The following DDI2 variants were observed in gnomAD, a reference collection of about 807,000 sequenced individuals.
The protein encoded by DDI2 is protein DDI1 homolog 2.
DDI2 carries 5 observed loss-of-function variants against 48.1 expected under a neutral mutation model. The observed-to-expected ratio is 0.10, with a 90% CI of 0.05 to 0.22. DDI2 has a LOEUF of 0.22. DDI2 is among the 10% of genes least tolerant of loss of function. The pLI, the probability that DDI2 is intolerant of heterozygous loss-of-function variation, is 1.00. For synonymous variants in DDI2, 205 were observed against 183.6 expected, an observed-to-expected ratio of 1.12 and a Z score of -0.94; for missense variants, 285 against 506.2, an observed-to-expected ratio of 0.56 and a Z score of 4.19.
At chr1:15,628,018 C>T (rs1324356156) in intron 2 of DDI2, among the ~76,000 whole-genome samples, 1 of 151,674 alleles carries the variant, frequency 6.6e-6, no homozygotes, top group Non-Finnish European at 1.5e-5. Flanking sequence ...CCACATCTTC[C>T]TTTGGTTAAT....
At chr1:15,627,797 CAG>C (rs895186212) in intron 2 of DDI2, among the ~76,000 whole-genome samples, 7 of 152,168 alleles carry the variant, frequency 4.6e-5, no homozygotes, top group African/African-American at 1.7e-4. Context: ...CAGATGCTGG[CAG>C]AGTCTGGGTG....
Position 15,660,524 on chromosome 1 carries a change from A to G in DDI2, c.*734A>G, listed in dbSNP as rs1640352579. On this transcript the variant is annotated 3_prime_UTR_variant, in exon 10 of 10. Transcript: ENST00000480945. ...GATTTGGAAGCTACGATGAAAGGAA[A>G]TGGGCTCCCACAGAATGTGGATCCT... The G allele has an allele frequency of 1.2e-6, 2 of 1,613,400 alleles. No homozygotes were observed. Among genetic ancestry groups the G allele is most frequent in the African/African-American group, 1.3e-5 (1 of 74,876 alleles).
In DDI2 at chr1:15,659,846, G is replaced by A. The variant is rs374921628; in HGVS notation, c.*56G>A. 5 of 1,534,004 alleles carry A rather than the reference G, an allele frequency of 3.3e-6. No individual in the cohort carries two copies. Among genetic ancestry groups the A allele is most frequent in the Non-Finnish European group, 4.4e-6 (5 of 1,146,576 alleles). On this transcript the variant is annotated 3_prime_UTR_variant, in exon 10 of 10. Coordinates refer to ENST00000480945, the MANE Select transcript of DDI2 (RefSeq NM_032341.5). ...CCTGTGTTCCATATAGAGAAAAGTG[G>A]TAAAGAATCTACCTCACTGGGAATG...
chr1:15,635,548 G>A (rs1353609938), intron 4 of DDI2, among the ~76,000 whole-genome samples: 1 of 152,270 alleles, frequency 6.6e-6, no homozygotes, highest in Non-Finnish European at 1.5e-5. Flanking sequence ...TGGGATTACA[G>A]GCATGTACCA....
Position 15,656,697 on chromosome 1 carries a change from G to GTTAA in DDI2, c.*46+19_*46+22dup. The GTTAA allele has an allele frequency of 6.2e-7, 1 of 1,613,828 alleles. No homozygotes were observed. Among genetic ancestry groups the GTTAA allele is most frequent in the Non-Finnish European group, 8.5e-7 (1 of 1,179,858 alleles). ...CAGACCAGGTATTTATAGACACCATGTTAAGCCTTCCATCCAGTTGTCATC... is the reference window on the plus strand; with the variant it reads ...CAGACCAGGTATTTATAGACACCATGTTAATTAAGCCTTCCATCCAGTTGTCATC... On this transcript the variant is annotated intron_variant, in intron 9 of 9. Coordinates refer to ENST00000480945, the MANE Select transcript of DDI2 (RefSeq NM_032341.5).
rs1640458027 is a variant in DDI2, at chr1:15,666,686, G to A, written c.*6896G>A. ...TGTGCCAGGCACAGGTGAACTCTGGGGATTCAGGGGTAACTAAAACAGATT... is the reference window on the plus strand; with the variant it reads ...TGTGCCAGGCACAGGTGAACTCTGGAGATTCAGGGGTAACTAAAACAGATT... On this transcript the variant is annotated 3_prime_UTR_variant, in exon 10 of 10. Coordinates refer to ENST00000480945, the MANE Select transcript of DDI2 (RefSeq NM_032341.5). The A allele has an allele frequency of 6.6e-6, 1 of 152,182 alleles. No individual in the cohort carries two copies. Among genetic ancestry groups the A allele is most frequent in the Admixed American group, 6.5e-5 (1 of 15,282 alleles). 9.4% of individuals were successfully genotyped at this position (152,182 alleles called of 1,614,324 possible). A position where few individuals can be genotyped will look rare whatever the true frequency, so the allele number is the denominator to read the frequency against.
In DDI2 at chr1:15,657,929, A is replaced by G. The variant is rs1557624470; in HGVS notation, c.*46+1250A>G. ...GGTAAGATTGTTTCATGGGAAGTCA[A>G]TAGCTTCCTGAAACAATGCTTTGTC... On this transcript the variant is annotated intron_variant, in intron 9 of 9. Coordinates refer to ENST00000480945, the MANE Select transcript of DDI2 (RefSeq NM_032341.5). 2.0e-5 allele frequency among the ~76,000 whole-genome samples: 3 copies of G among 152,324 alleles called. No homozygotes were observed. The South Asian group carries it at 6.2e-4, about 32-fold the overall frequency.
intron 7 of DDI2, among the ~76,000 whole-genome samples, 200 bp from the exon 8 acceptor site, chr1:15,651,506 G>A (rs1403311979): frequency 2.6e-5 from 4 of 151,812 alleles, no homozygotes; most frequent in Non-Finnish European, 5.9e-5. Context: ...TTTAGTAGAG[G>A]TGGGGTTTCA....
chr1:15,647,964 C>CA (rs1171284122), intron 6 of DDI2, among the ~76,000 whole-genome samples: 5 of 151,924 alleles, frequency 3.3e-5, no homozygotes, highest in South Asian at 2.1e-4. Context: ...ACTCTTTTCT[C>CA]AAAAAAAATT....
rs1252197053 is a variant in DDI2 at position 15,651,872 on chromosome 1, T to A, written c.1160T>A (p.Leu387His). Residue 387 changes from leucine (L) to histidine (H), a missense_variant, in exon 8 of 10, where the codon CTT becomes CAT. By Grantham distance (99) the Leu-to-His change is moderately conservative (BLOSUM62 -3). Transcript: ENST00000480945. ...GCAGACCAAGAATTAGCAGAAGCCC[T>A]TCAAAAATCAGCAGAGGATGCAGGT... The part of the protein sequence containing the change: ...EIADQELAEA[L>H]QKSAEDAERQ... The A allele has an allele frequency of 6.2e-7, 1 of 1,613,272 alleles. No homozygotes were observed. Among genetic ancestry groups the A allele is most frequent in the Non-Finnish European group, 8.5e-7 (1 of 1,179,738 alleles).
intron 9 of DDI2, among the ~76,000 whole-genome samples, 168 bp from the exon 10 acceptor site, chr1:15,659,669 C>G (rs1399105574): frequency 6.6e-6 from 1 of 152,196 alleles, no homozygotes; most frequent in Non-Finnish European, 1.5e-5. Flanking sequence ...CTGTGAATGT[C>G]TACCACAATG....
chr1:15,636,600 T>TAG (rs1356788657), intron 4 of DDI2, among the ~76,000 whole-genome samples: 3 of 152,154 alleles, frequency 2.0e-5, no homozygotes, highest in African/African-American at 7.2e-5. Context: ...GTCTCCTGAA[T>TAG]AGCTGAGACT....
chr1:15,618,160 C>A (rs1639595222), intron 1 of DDI2, among the ~76,000 whole-genome samples: 1 of 152,046 alleles, frequency 6.6e-6, no homozygotes, highest in Non-Finnish European at 1.5e-5. Flanking sequence ...CGTTGTGGAC[C>A]TCAGAAGCAG....
At chr1:15,655,102 T>G (rs555076264) in intron 8 of DDI2, among the ~76,000 whole-genome samples, 45 of 152,188 alleles carry the variant, frequency 3.0e-4, no homozygotes, top group Non-Finnish European at 5.3e-4. Flanking sequence ...ACACATATGT[T>G]TCCAGGCTTA....
intron 9 of DDI2, among the ~76,000 whole-genome samples, chr1:15,659,196 A>T (rs1298988114): frequency 2.0e-5 from 3 of 152,192 alleles, no homozygotes; most frequent in Non-Finnish European, 4.4e-5. Context: ...GTCCCCAAGC[A>T]TTATGTTATT....
intron 7 of DDI2, among the ~76,000 whole-genome samples, chr1:15,651,020 A>G (rs181325217): frequency 4.0e-5 from 6 of 150,370 alleles, no homozygotes; most frequent in Non-Finnish European, 7.4e-5. Flanking sequence ...ACGCCCGGCT[A>G]ATTTTTGTAT....
intron 6 of DDI2, among the ~76,000 whole-genome samples, chr1:15,644,179 A>G (rs1279053886): frequency 1.3e-5 from 2 of 152,178 alleles, no homozygotes; most frequent in African/African-American, 2.4e-5. Context: ...ATTTCATCCT[A>G]TCAAAGATAC....
In DDI2 at chr1:15,661,278, C is replaced by G. The variant is rs906296542; in HGVS notation, c.*1488C>G. On this transcript the variant is annotated 3_prime_UTR_variant, in exon 10 of 10. Coordinates refer to ENST00000480945, the MANE Select transcript of DDI2 (RefSeq NM_032341.5). Reference sequence around the variant, plus strand: ...AATCTAGGGAATCCATAAATAAGAACCGTTCTGTCACTGTAACCTCAGCTA... The same window carrying G: ...AATCTAGGGAATCCATAAATAAGAAGCGTTCTGTCACTGTAACCTCAGCTA... The G allele has an allele frequency of 5.6e-6, 9 of 1,614,030 alleles. No individual in the cohort carries two copies. In the African/African-American group the frequency reaches 1.1e-4, roughly 19 times the overall value.
chr1:15,623,029 T>C (rs1639694666), intron 1 of DDI2, among the ~76,000 whole-genome samples: 1 of 152,198 alleles, frequency 6.6e-6, no homozygotes, highest in South Asian at 2.1e-4. Context: ...AGATTTTACA[T>C]TTTTATTGTT....
Sources: gnomAD v4.1 joint callset for allele counts (sites outside exome capture counted in the v4.1 genomes callset) on GRCh38, gnomAD v4.1.1 for gene constraint, MANE v1.5 for transcripts, NCBI Gene and HGNC (gene_info 2026-07-23, HGNC 2026-07-21) for gene names.